SEPTIN2: variants seen among roughly 807,000 people sequenced by gnomAD.
SEPTIN2 encodes septin-2.
In SEPTIN2, 34 loss-of-function variants were observed where a neutral mutation model predicts 46.5. That is an observed-to-expected ratio of 0.73 (90% confidence interval 0.56 to 0.97). The LOEUF (loss-of-function observed/expected upper bound fraction) is 0.97, where lower values mean the gene tolerates loss of function less well. SEPTIN2 is among the 50% of genes least tolerant of loss of function. SEPTIN2 has a pLI of 0.00. For synonymous variants in SEPTIN2, 175 were observed against 153.4 expected (o/e 1.14, Z -1.04); for missense variants, 347 against 448.4 (o/e 0.77, Z 2.04).
At chr2:241,345,120 A>G (rs2081833442) in intron 9 of SEPTIN2, among the ~76,000 whole-genome samples, 1 of 152,180 alleles carries the variant, frequency 6.6e-6, no homozygotes, top group Admixed American at 6.5e-5. Context: ...TCTCAAAAAA[A>G]AAAACCAAAA....
chr2:241,324,583 C>G (rs1454964347), intron 2 of SEPTIN2: 2 of 381,674 alleles, frequency 5.2e-6, no homozygotes. Context: ...TTCGGGGTTT[C>G]ACCGTGTTGG....
At chr2:241,324,310 C>T (rs1031809559) in intron 2 of SEPTIN2, 69 bp downstream of exon 2, 22 of 1,257,316 alleles carry the variant, frequency 1.7e-5, no homozygotes, top group African/African-American at 4.5e-5. Context: ...TGTTGACAGT[C>T]GGGACTTATA....
At position 241,337,405 on chromosome 2, in the gene SEPTIN2, TTGA is replaced by T; in HGVS notation, c.369_371del (p.Asp123del). On this transcript the variant is annotated inframe_deletion, in exon 6 of 13. Coordinates refer to ENST00000391971, the MANE Select transcript of SEPTIN2 (RefSeq NM_004404.5). ...AGTTTTAAGACAATTATCTCCTATA[TTGA>T]TGAGCAATTTGAGAGGTACCTGCAT... 1 of 1,614,036 alleles carries T rather than the reference TTGA, an allele frequency of 6.2e-7. No individual in the cohort carries two copies. Among genetic ancestry groups the T allele is most frequent in the Non-Finnish European group, 8.5e-7 (1 of 1,179,928 alleles).
chr2:241,316,509 G>C, intron 1 of SEPTIN2: 3 of 1,515,232 alleles, frequency 2.0e-6, no homozygotes, highest in Non-Finnish European at 2.6e-6. Flanking sequence ...GGCCCTGTCT[G>C]CGGGTACCTT....
At chr2:241,326,616 T>C (rs1323811901) in intron 3 of SEPTIN2, among the ~76,000 whole-genome samples, 2 of 137,684 alleles carry the variant, frequency 1.5e-5, no homozygotes, top group African/African-American at 2.7e-5. Flanking sequence ...GAAAGTGTTG[T>C]CATTTTCTAA....
chr2:241,320,197 C>T (rs1399231656), intron 1 of SEPTIN2: 4 of 470,698 alleles, frequency 8.5e-6, no homozygotes, highest in Admixed American at 2.4e-5. Context: ...TCCCTTTTCT[C>T]TGTAGAGGCT....
intron 1 of SEPTIN2, among the ~76,000 whole-genome samples, chr2:241,321,873 G>A (rs920458395): frequency 7.3e-5 from 11 of 151,506 alleles, no homozygotes; most frequent in African/African-American, 2.4e-4. Context: ...ATTTGAAAAC[G>A]AGATGCCAAC....
In SEPTIN2 at chr2:241,352,650, C is replaced by G. The variant is rs1469474850; in HGVS notation, c.*713C>G. 1 of 152,158 alleles carries G rather than the reference C, an allele frequency of 6.6e-6. No homozygotes were observed. The highest frequency in any genetic ancestry group is 1.5e-5 in the Non-Finnish European group (1 of 68,022). The allele number at this position is 152,158 out of a possible 1,614,324, so 9.4% of individuals were successfully genotyped here. A position where few individuals can be genotyped will look rare whatever the true frequency, so the allele number is the denominator to read the frequency against. On this transcript the variant is annotated 3_prime_UTR_variant, in exon 13 of 13. Coordinates refer to ENST00000391971, the MANE Select transcript of SEPTIN2 (RefSeq NM_004404.5). ...CTAGGTTGTTTTTAAAACCACTATG[C>G]AAAGAACTCACCACAAGCCACCTTT... is the stretch of plus-strand genomic sequence containing the variant.
intron 3 of SEPTIN2, among the ~76,000 whole-genome samples, chr2:241,331,093 C>G (rs890667278): frequency 6.6e-6 from 1 of 152,056 alleles, no homozygotes; most frequent in Non-Finnish European, 1.5e-5. Flanking sequence ...GCGGGAGAAT[C>G]GCTTGAATCT....
intron 5 of SEPTIN2, 50 bp from the exon 6 acceptor site, chr2:241,337,332 C>A: frequency 6.6e-7 from 1 of 1,513,426 alleles, no homozygotes. Flanking sequence ...AAGTCAGGGA[C>A]CCCCTGTTTT....
Position 241,321,536 on chromosome 2 carries a change from A to G in SEPTIN2, c.-17-2680A>G, listed in dbSNP as rs943237480. 5.9e-5 allele frequency among the ~76,000 whole-genome samples: 9 copies of G among 151,680 alleles called. No individual in the cohort carries two copies. The East Asian group carries it at 1.5e-3, about 26-fold the overall frequency. Reference sequence around the variant, plus strand: ...AGCCTCTCTTTGTTCCTTTTGCTTTAAGCATATACGTTATAGCTGGACGGT... The same window carrying G: ...AGCCTCTCTTTGTTCCTTTTGCTTTGAGCATATACGTTATAGCTGGACGGT... On this transcript the variant is annotated intron_variant, in intron 1 of 12. Transcript: ENST00000391971.
chr2:241,342,534 A>ATTTTT lies in SEPTIN2; in HGVS notation c.595-438_595-434dup, dbSNP rs548033372. ...AAATACCTTTCTAGCAGTTTTGTAA[A>ATTTTT]TTTTTTTTTTTTTTTTTTTTTTTTG... On this transcript the variant is annotated intron_variant, in intron 7 of 12. Transcript: ENST00000391971. 1.1e-3 allele frequency among the ~76,000 whole-genome samples: 97 copies of ATTTTT among 86,992 alleles called. 1 individual carries two copies. The highest frequency in any genetic ancestry group is 1.7e-3 in the Non-Finnish European group (78 of 46,594). 57.1% of individuals were successfully genotyped at this position (86,992 alleles called of 152,430 possible).
At chr2:241,338,750 A>G (rs1422618809) in intron 7 of SEPTIN2, among the ~76,000 whole-genome samples, 15 of 102,964 alleles carry the variant, frequency 1.5e-4, no homozygotes, top group Admixed American at 1.3e-3. Context: ...ATTTATATGT[A>G]ATATATTTAT....
At chr2:241,332,627 G>A (rs2079180763) in intron 3 of SEPTIN2, among the ~76,000 whole-genome samples, 1 of 152,206 alleles carries the variant, frequency 6.6e-6, no homozygotes, top group Admixed American at 6.5e-5. Flanking sequence ...CTGCTTGTAT[G>A]TGTTTACCCA....
chr2:241,336,112 T>C lies in SEPTIN2; in HGVS notation c.341+14T>C, dbSNP rs1263787281. On this transcript the variant is annotated intron_variant, in intron 5 of 12. Coordinates refer to ENST00000391971, the MANE Select transcript of SEPTIN2 (RefSeq NM_004404.5). ...CTGCAGAGATTGGTATGCTCCCCCATGCCCAGGGATCTGCATTTGTTTACT... is the reference window on the plus strand; with the variant it reads ...CTGCAGAGATTGGTATGCTCCCCCACGCCCAGGGATCTGCATTTGTTTACT... 1 of 1,612,408 alleles carries C rather than the reference T, an allele frequency of 6.2e-7. No homozygotes were observed. Among genetic ancestry groups the C allele is most frequent in the Non-Finnish European group, 8.5e-7 (1 of 1,179,020 alleles).
chr2:241,348,085 A>G (rs767381392), intron 10 of SEPTIN2, 49 bp from the exon 11 acceptor site: 2 of 1,469,866 alleles, frequency 1.4e-6, no homozygotes, highest in South Asian at 2.4e-5. Flanking sequence ...GGGGGTAGCA[A>G]ATAACTATTT....
chr2:241,334,684 G>A (rs1418756526), intron 3 of SEPTIN2, among the ~76,000 whole-genome samples: 8 of 152,282 alleles, frequency 5.3e-5, no homozygotes, highest in African/African-American at 1.2e-4. Context: ...TCTGCAGCTC[G>A]GGAAGCACAA....
chr2:241,337,465 T>C lies in SEPTIN2; in HGVS notation c.425T>C (p.Ile142Thr), dbSNP rs200490826. The change falls in exon 6 of 13, where the codon ATT becomes ACT. Residue 142 changes from isoleucine (I) to threonine (T), a missense_variant. Transcript: ENST00000391971. Reference sequence around the variant, plus strand: ...AGCGGCTTGAACAGGCGGCACATCATTGATAATAGGGTGCATTGTTGCTTT... The same window carrying C: ...AGCGGCTTGAACAGGCGGCACATCACTGATAATAGGGTGCATTGTTGCTTT... ...DESGLNRRHIIDNRVHCCFYF... is the reference protein window; with the variant it reads ...DESGLNRRHITDNRVHCCFYF... 4 of 1,614,158 alleles carry C rather than the reference T, an allele frequency of 2.5e-6. No homozygotes were observed. The highest frequency in any genetic ancestry group is 4.5e-5 in the East Asian group (2 of 44,880).
chr2:241,316,561 G>A, intron 1 of SEPTIN2: 3 of 1,513,884 alleles, frequency 2.0e-6, no homozygotes, highest in Non-Finnish European at 2.6e-6. Flanking sequence ...GCGAGGCACG[G>A]ACAGGCAGCA....
Sources: allele counts gnomAD v4.1 joint callset (sites outside exome capture counted in the v4.1 genomes callset), GRCh38; gene constraint gnomAD v4.1.1; transcripts MANE v1.5; gene names NCBI Gene and HGNC (gene_info 2026-07-23, HGNC 2026-07-21).